The following ST3GAL6 variants were observed in gnomAD, a reference collection of about 807,000 sequenced individuals.
ST3GAL6 encodes ST3 beta-galactoside alpha-2,3-sialyltransferase 6.
A neutral mutation model predicts 40.5 loss-of-function variants in ST3GAL6; 31 were observed. The observed-to-expected ratio is 0.77, with a 90% CI of 0.58 to 1.03. ST3GAL6 has a LOEUF of 1.03. ST3GAL6 is among the 50% of genes least tolerant of loss of function. The pLI, the probability that ST3GAL6 is intolerant of heterozygous loss-of-function variation, is 0.00. For synonymous variants in ST3GAL6, 129 were observed against 136.9 expected (o/e 0.94, Z 0.40); for missense variants, 357 against 393.2 (o/e 0.91, Z 0.78).
At chr3:98,791,335 G>GC (rs1941189424) in intron 8 of ST3GAL6, among the ~76,000 whole-genome samples, 1 of 152,138 alleles carries the variant, frequency 6.6e-6, no homozygotes, top group Non-Finnish European at 1.5e-5. Flanking sequence ...TACTAGATTA[G>GC]CCTTTCCCTA....
At chr3:98,741,255 A>C (rs1306095266) in intron 1 of ST3GAL6, among the ~76,000 whole-genome samples, 1 of 152,084 alleles carries the variant, frequency 6.6e-6, no homozygotes, top group Non-Finnish European at 1.5e-5. Context: ...ACATAGAAAC[A>C]CTGTAGTTAT....
chr3:98,756,505 A>G (rs1360068681), intron 1 of ST3GAL6: 7 of 1,286,148 alleles, frequency 5.4e-6, no homozygotes, highest in African/African-American at 1.5e-5. Context: ...CTTTGCGAAC[A>G]GAGGGTCTTT....
intron 9 of ST3GAL6, among the ~76,000 whole-genome samples, chr3:98,792,748 G>T (rs1398395839): frequency 2.9e-4 from 43 of 150,544 alleles, no homozygotes; most frequent in Admixed American, 2.8e-3. Context: ...CGAACTCCTG[G>T]CCTCATGTGA....
Position 98,790,280 on chromosome 3 carries a change from T to C in ST3GAL6, c.757-1561T>C, listed in dbSNP as rs532919163. On this transcript the variant is annotated intron_variant, in intron 8 of 9. Coordinates refer to ENST00000483910, the MANE Select transcript of ST3GAL6 (RefSeq NM_001323368.2). ...GTAGTTAAGTACAGAAGTAAAATTG[T>C]TGAGAAGTGATATGGGATAAAATAT... is the stretch of plus-strand genomic sequence containing the variant. Among the ~76,000 whole-genome samples the C allele has an allele frequency of 5.3e-5, 8 of 152,282 alleles. No homozygotes were observed. In the South Asian group the frequency reaches 1.7e-3, roughly 32 times the overall value.
At chr3:98,756,507 A>G in intron 1 of ST3GAL6, 1 of 1,281,204 alleles carries the variant, frequency 7.8e-7, no homozygotes, top group Non-Finnish European at 1.0e-6. Context: ...TTGCGAACAG[A>G]GGGTCTTTAG....
intron 1 of ST3GAL6, among the ~76,000 whole-genome samples, chr3:98,765,124 C>T (rs828612): frequency 1 from 152,269 of 152,320 alleles, 76,109 homozygotes; most frequent in Non-Finnish European, 1. Flanking sequence ...AACAAGTCCC[C>T]GCCTGGTGCA....
chr3:98,746,064 TAGATGGATGGATGAGATGGGCTG>T (rs1444624411), intron 1 of ST3GAL6, among the ~76,000 whole-genome samples: 2 of 152,218 alleles, frequency 1.3e-5, no homozygotes, highest in Admixed American at 6.5e-5. Context: ...GTTGGTTGGA[TAGATGGATGGATGAGATGGGCTG>T]AGATGGATGG....
At chr3:98,790,708 G>A (rs1397106209) in intron 8 of ST3GAL6, among the ~76,000 whole-genome samples, 4 of 152,084 alleles carry the variant, frequency 2.6e-5, no homozygotes, top group African/African-American at 9.7e-5. Flanking sequence ...TCTTATAAGA[G>A]TTTGTCAGGT....
chr3:98,767,579 G>T (rs569096875), intron 1 of ST3GAL6, among the ~76,000 whole-genome samples: 1 of 152,186 alleles, frequency 6.6e-6, no homozygotes, highest in Admixed American at 6.5e-5. Flanking sequence ...AGTCACAGGC[G>T]TTGAAATAGG....
At chr3:98,780,202 CA>C (rs1939962673) in intron 5 of ST3GAL6, among the ~76,000 whole-genome samples, 2 of 152,164 alleles carry the variant, frequency 1.3e-5, no homozygotes, top group Non-Finnish European at 2.9e-5. Flanking sequence ...GCGATTCAGA[CA>C]GCTTATCTGT....
intron 3 of ST3GAL6, 39 bp from the exon 4 acceptor site, chr3:98,772,774 A>T: frequency 7.2e-7 from 1 of 1,381,424 alleles, no homozygotes; most frequent in Non-Finnish European, 1.0e-6. Flanking sequence ...CAAATATAGT[A>T]GGTATTTGGC....
intron 1 of ST3GAL6, among the ~76,000 whole-genome samples, chr3:98,757,584 A>G (rs193179939): frequency 6.6e-6 from 1 of 152,282 alleles, no homozygotes; most frequent in Admixed American, 6.5e-5. Context: ...AAAAGATGGA[A>G]GTATTTTGAG....
At chr3:98,766,294 A>G (rs72932666) in intron 1 of ST3GAL6, among the ~76,000 whole-genome samples, 129 of 152,178 alleles carry the variant, frequency 8.5e-4, no homozygotes, top group African/African-American at 3.1e-3. Context: ...ACTTGTAAAT[A>G]CTGACTTCTT....
chr3:98,774,539 C>CA (rs1249622301), intron 5 of ST3GAL6, among the ~76,000 whole-genome samples: 2 of 152,120 alleles, frequency 1.3e-5, no homozygotes, highest in Admixed American at 6.5e-5. Flanking sequence ...ATTGAATTGC[C>CA]AAAAATAGAC....
At chr3:98,784,915 C>T in intron 5 of ST3GAL6, 30 bp from the exon 6 acceptor site, 4 of 1,516,570 alleles carry the variant, frequency 2.6e-6, no homozygotes, top group Non-Finnish European at 3.6e-6. Flanking sequence ...AAAGATGGCT[C>T]AATCTCTCAC....
intron 1 of ST3GAL6, chr3:98,733,735 C>A: frequency 1.8e-5 from 9 of 497,966 alleles, no homozygotes; most frequent in Non-Finnish European, 2.3e-5. Flanking sequence ...AAAAGAAAAC[C>A]TATAAAAAGC....
chr3:98,773,114 G>A (rs1024451388), intron 4 of ST3GAL6, 198 bp downstream of exon 4: 3 of 350,178 alleles, frequency 8.6e-6, no homozygotes, highest in Non-Finnish European at 1.5e-5. Context: ...TAGAACCAAA[G>A]GATAACAGGG....
At chr3:98,780,578 GT>G (rs1412027318) in intron 5 of ST3GAL6, among the ~76,000 whole-genome samples, 1 of 133,174 alleles carries the variant, frequency 7.5e-6, no homozygotes, top group Non-Finnish European at 1.7e-5. Flanking sequence ...ATTTCTTCCT[GT>G]TTTTTAAAAG....
intron 5 of ST3GAL6, chr3:98,782,487 T>C: frequency 3.3e-6 from 2 of 610,936 alleles, no homozygotes; most frequent in Non-Finnish European, 2.9e-6. Context: ...GTGTCATCCA[T>C]ACAAGATGAA....
Sources: allele counts gnomAD v4.1 joint callset (sites outside exome capture counted in the v4.1 genomes callset), GRCh38; gene constraint gnomAD v4.1.1; transcripts MANE v1.5; gene names NCBI Gene and HGNC (gene_info 2026-07-23, HGNC 2026-07-21).